The following ZPBP variants were observed in gnomAD, a reference collection of about 807,000 sequenced individuals.
ZPBP encodes the protein zona pellucida-binding protein 1.
A neutral mutation model predicts 44.8 loss-of-function variants in ZPBP; 26 were observed. The ratio of observed to expected loss-of-function variants is 0.58; its 90% CI spans 0.43 to 0.81. The LOEUF (loss-of-function observed/expected upper bound fraction) is 0.81, where lower values mean the gene tolerates loss of function less well. Ranked by LOEUF, ZPBP falls within the 30% of genes least tolerant of loss-of-function variation. ZPBP has a pLI of 0.00. For synonymous variants in ZPBP, 174 were observed against 153.2 expected, an observed-to-expected ratio of 1.14 and a Z score of -1.00; for missense variants, 409 against 434.0, an observed-to-expected ratio of 0.94 and a Z score of 0.51.
At chr7:49,910,179 G>T (rs1268727984) in intron 1 of ZPBP, among the ~76,000 whole-genome samples, 1 of 152,184 alleles carries the variant, frequency 6.6e-6, no homozygotes, top group Non-Finnish European at 1.5e-5. Flanking sequence ...CAAGCAGGCA[G>T]CCATGTGCAG....
intron 5 of ZPBP, among the ~76,000 whole-genome samples, chr7:50,027,812 C>T (rs1335237675): frequency 6.6e-6 from 1 of 151,760 alleles, no homozygotes; most frequent in Non-Finnish European, 1.5e-5. Context: ...ATTAAGTAAC[C>T]TAAATGAAAT....
intron 3 of ZPBP, among the ~76,000 whole-genome samples, chr7:50,069,227 G>A (rs1413915365): frequency 6.6e-6 from 1 of 152,086 alleles, no homozygotes; most frequent in African/African-American, 2.4e-5. Flanking sequence ...AGGGAGGAGG[G>A]GTCTCTATTC....
chr7:49,850,800 G>A lies in ZPBP; in HGVS notation n.510-286C>T, dbSNP rs184971135. Among the ~76,000 whole-genome samples, 87 of 152,264 alleles carry A rather than the reference G, an allele frequency of 5.7e-4. 1 individual carries two copies. The highest frequency in any genetic ancestry group is 1.7e-3 in the African/African-American group (70 of 41,546). ...TTACATCATGGGTACAGTGAGCTCC[G>A]TGTATTTACTCAGCAAGCATGTACT... On this transcript the variant is annotated intron_variant and non_coding_transcript_variant, in intron 2 of 2. Transcript: ENST00000465922.
Position 50,061,700 on chromosome 7 carries a change from C to T in ZPBP, c.335-3559G>A, listed in dbSNP as rs567548348. ...CACTGCCACTTTAAGTTCCAGCTCT[C>T]TTTCTAGCCTGATGCATTTCAATGA... On this transcript the variant is annotated intron_variant, in intron 3 of 7. Coordinates refer to ENST00000046087, the MANE Select transcript of ZPBP (RefSeq NM_007009.3). 7.9e-4 allele frequency among the ~76,000 whole-genome samples: 121 copies of T among 152,292 alleles called. 1 individual carries two copies. The East Asian group carries it at 0.021, about 26-fold the overall frequency.
chr7:49,854,144 T>C (rs1298583756), intron 2 of ZPBP, among the ~76,000 whole-genome samples: 2 of 152,156 alleles, frequency 1.3e-5, no homozygotes, highest in Non-Finnish European at 2.9e-5. Context: ...TTCCAAGTCT[T>C]TGCTATTGTG....
chr7:49,980,654 G>A (rs1334044479), intron 7 of ZPBP, among the ~76,000 whole-genome samples: 1 of 151,868 alleles, frequency 6.6e-6, no homozygotes, highest in East Asian at 1.9e-4. Context: ...CTTTTGTATA[G>A]CCAGCTCTCA....
chr7:50,086,913 A>T (rs1027903988), intron 2 of ZPBP, among the ~76,000 whole-genome samples: 4 of 152,090 alleles, frequency 2.6e-5, no homozygotes, highest in African/African-American at 9.7e-5. Flanking sequence ...CAAAATCCAT[A>T]AACAAGGAGA....
chr7:49,855,526 G>C (rs903266258), intron 2 of ZPBP, among the ~76,000 whole-genome samples: 19 of 152,154 alleles, frequency 1.2e-4, no homozygotes, highest in African/African-American at 4.3e-4. Flanking sequence ...GGTAAGGAAG[G>C]CTCAGCGAGG....
At chr7:49,907,321 T>C (rs769591805) in intron 1 of ZPBP, among the ~76,000 whole-genome samples, 7 of 152,286 alleles carry the variant, frequency 4.6e-5, no homozygotes, top group African/African-American at 7.2e-5. Flanking sequence ...TGACTCTATA[T>C]GCCAGTGATA....
chr7:49,866,803 C>CCTGTATTTG, intron 2 of ZPBP, among the ~76,000 whole-genome samples: 1 of 152,258 alleles, frequency 6.6e-6, no homozygotes, highest in East Asian at 1.9e-4. Flanking sequence ...CATTTAGGTT[C>CCTGTATTTG]CTGTATTTGC....
intron 4 of ZPBP, among the ~76,000 whole-genome samples, chr7:50,032,999 A>G (rs2128812738): frequency 6.6e-6 from 1 of 152,342 alleles, no homozygotes; most frequent in Non-Finnish European, 1.5e-5. Flanking sequence ...TGAAGCAGAA[A>G]AAGAATTATG....
intron 7 of ZPBP, among the ~76,000 whole-genome samples, chr7:49,953,953 G>T (rs1795462405): frequency 6.6e-6 from 1 of 152,008 alleles, no homozygotes; most frequent in South Asian, 2.1e-4. Flanking sequence ...AAATGGAAAT[G>T]CCAACCCTCA....
chr7:49,964,745 C>T (rs1241156431), intron 7 of ZPBP, among the ~76,000 whole-genome samples: 1 of 152,092 alleles, frequency 6.6e-6, no homozygotes, highest in East Asian at 1.9e-4. Context: ...ATGGCAAATA[C>T]TATATGCTCA....
At chr7:50,085,564 C>T (rs2128855039) in intron 2 of ZPBP, among the ~76,000 whole-genome samples, 1 of 152,194 alleles carries the variant, frequency 6.6e-6, no homozygotes, top group South Asian at 2.1e-4. Flanking sequence ...CAAAGCCTCC[C>T]TCCCAGAGTA....
intron 7 of ZPBP, among the ~76,000 whole-genome samples, chr7:49,960,283 T>C (rs1171281253): frequency 6.6e-6 from 1 of 151,952 alleles, no homozygotes; most frequent in Non-Finnish European, 1.5e-5. Context: ...TAGCTGGGCG[T>C]GGTTGTGCAT....
intron 3 of ZPBP, among the ~76,000 whole-genome samples, chr7:50,078,809 T>C (rs1398049136): frequency 6.6e-6 from 1 of 151,554 alleles, no homozygotes; most frequent in Admixed American, 6.6e-5. Flanking sequence ...TTGCAAACTA[T>C]GCCTCCCATG....
intron 7 of ZPBP, among the ~76,000 whole-genome samples, chr7:49,982,406 C>A (rs1239633868): frequency 7.4e-6 from 1 of 135,650 alleles, no homozygotes; most frequent in Non-Finnish European, 1.5e-5. Flanking sequence ...TAAAAAGTTA[C>A]AAAGTTAACA....
rs1797005174 is a variant in ZPBP, at chr7:49,982,092, T to TATATAATTATATAATTATATGAATTC, written c.961+1249_961+1250insGAATTCATATAATTATATAATTATAT. Among the ~76,000 whole-genome samples the TATATAATTATATAATTATATGAATTC allele has an allele frequency of 1.2e-4, 3 of 25,484 alleles. 1 individual carries two copies. The highest frequency in any genetic ancestry group is 2.2e-3 in the South Asian group (2 of 914). The allele number at this position is 25,484 out of a possible 152,430, so 16.7% of individuals were successfully genotyped here. ...TATATAATTATATAATTATATGAAT[T>TATATAATTATATAATTATATGAATTC]ATATAATTATATAATTATAAATATT... On this transcript the variant is annotated intron_variant, in intron 7 of 7. Coordinates refer to ENST00000046087, the MANE Select transcript of ZPBP (RefSeq NM_007009.3).
At chr7:49,962,415 G>A (rs1278870992) in intron 7 of ZPBP, among the ~76,000 whole-genome samples, 1 of 151,804 alleles carries the variant, frequency 6.6e-6, no homozygotes, top group Non-Finnish European at 1.5e-5. Flanking sequence ...CAATTCGGGT[G>A]TAAAAGACAT....
Sources: gnomAD v4.1 joint callset for allele counts (sites outside exome capture counted in the v4.1 genomes callset) on GRCh38, gnomAD v4.1.1 for gene constraint, MANE v1.5 for transcripts, NCBI Gene and HGNC (gene_info 2026-07-23, HGNC 2026-07-21) for gene names.